KCNH8: variants seen among roughly 807,000 people sequenced by gnomAD.
KCNH8 encodes potassium voltage-gated channel subfamily H member 8, also known as voltage-gated delayed rectifier potassium channel KCNH8.
In KCNH8, 70 loss-of-function variants were observed where a neutral mutation model predicts 103.6. The observed-to-expected ratio is 0.68, with a 90% CI of 0.56 to 0.82. The LOEUF (loss-of-function observed/expected upper bound fraction) is 0.82. KCNH8 is among the 40% of genes least tolerant of loss of function. The pLI is 0.00. For synonymous variants in KCNH8, 498 were observed against 489.4 expected (o/e 1.02, Z -0.23); for missense variants, 1,217 against 1,329.9 (o/e 0.92, Z 1.32).
intron 3 of KCNH8, among the ~76,000 whole-genome samples, chr3:19,318,664 C>T (rs202101580): frequency 0.088 from 2,135 of 24,294 alleles, 20 homozygotes; most frequent in African/African-American, 0.13. Flanking sequence ...TGTGTGTGTA[C>T]ACACACACAC....
intron 4 of KCNH8, among the ~76,000 whole-genome samples, chr3:19,345,803 T>C (rs1296730390): frequency 1.3e-5 from 2 of 152,106 alleles, no homozygotes; most frequent in Non-Finnish European, 2.9e-5. Context: ...CTCAAATGTA[T>C]TGAATTCTCA....
chr3:19,450,912 G>C, intron 9 of KCNH8: 1 of 486,070 alleles, frequency 2.1e-6, no homozygotes, highest in South Asian at 2.4e-5. Flanking sequence ...ATGTTTTCCT[G>C]CTAGAGGCTT....
At chr3:19,329,762 C>T (rs149181437) in intron 3 of KCNH8, among the ~76,000 whole-genome samples, 13 of 152,110 alleles carry the variant, frequency 8.5e-5, no homozygotes, top group East Asian at 3.9e-4. Flanking sequence ...AAAGAAATTC[C>T]GATTTGAAAT....
chr3:19,378,746 T>C (rs1030151621), intron 5 of KCNH8, among the ~76,000 whole-genome samples: 1 of 152,228 alleles, frequency 6.6e-6, no homozygotes, highest in Non-Finnish European at 1.5e-5. Flanking sequence ...GTTATGATGA[T>C]ATACTTTATG....
intron 11 of KCNH8, among the ~76,000 whole-genome samples, chr3:19,491,889 C>G (rs1281372016): frequency 6.6e-6 from 1 of 152,148 alleles, no homozygotes; most frequent in Admixed American, 6.5e-5. Flanking sequence ...AATGGTATCT[C>G]ATTGTGATTT....
chr3:19,251,947 T>G (rs574953009), intron 1 of KCNH8, among the ~76,000 whole-genome samples: 22 of 152,338 alleles, frequency 1.4e-4, no homozygotes, highest in African/African-American at 5.0e-4. Flanking sequence ...ATACTGAATC[T>G]TGCTTTTTAA....
chr3:19,476,469 C>T (rs534136470), intron 11 of KCNH8, among the ~76,000 whole-genome samples: 9 of 152,076 alleles, frequency 5.9e-5, no homozygotes, highest in South Asian at 2.1e-4. Context: ...CTTATGAAAC[C>T]GTCTATTGTG....
At chr3:19,282,109 T>C (rs1188116279) in intron 3 of KCNH8, among the ~76,000 whole-genome samples, 1 of 152,144 alleles carries the variant, frequency 6.6e-6, no homozygotes, top group Non-Finnish European at 1.5e-5. Flanking sequence ...AACAGCTATG[T>C]CTTTTTAGGA....
chr3:19,397,541 ATATATATATGTGTG>A (rs963507823), intron 7 of KCNH8, among the ~76,000 whole-genome samples: 14 of 150,254 alleles, frequency 9.3e-5, no homozygotes, highest in Non-Finnish European at 1.9e-4. Flanking sequence ...ATACACACAT[ATATATATATGTGTG>A]TATATATACA....
At chr3:19,153,643 T>C (rs1189278959) in intron 1 of KCNH8, among the ~76,000 whole-genome samples, 4 of 149,374 alleles carry the variant, frequency 2.7e-5, no homozygotes, top group African/African-American at 7.4e-5. Context: ...TTCTTTTTTT[T>C]TTTTTTTTTA....
At chr3:19,387,172 C>T (rs2066368771) in intron 5 of KCNH8, among the ~76,000 whole-genome samples, 1 of 152,130 alleles carries the variant, frequency 6.6e-6, no homozygotes, top group African/African-American at 2.4e-5. Flanking sequence ...CAGTTCATCT[C>T]ACCACATTTA....
intron 3 of KCNH8, among the ~76,000 whole-genome samples, chr3:19,327,627 C>T (rs530514437): frequency 4.7e-4 from 71 of 152,280 alleles, no homozygotes; most frequent in Non-Finnish European, 7.4e-5. Context: ...CCTTTTATTA[C>T]ACTTTCCACC....
intron 11 of KCNH8, 46 bp from the exon 12 acceptor site, chr3:19,510,317 C>T (rs1378463109): frequency 1.6e-6 from 2 of 1,221,052 alleles, no homozygotes; most frequent in South Asian, 1.2e-5. Context: ...CAGTCCCAAA[C>T]CACCAGGATA....
intron 5 of KCNH8, among the ~76,000 whole-genome samples, chr3:19,384,154 T>C (rs186191583): frequency 1.6e-3 from 241 of 152,254 alleles, no homozygotes; most frequent in African/African-American, 5.1e-3. Flanking sequence ...AGACAATAAG[T>C]GGGGAATATT....
intron 10 of KCNH8, among the ~76,000 whole-genome samples, chr3:19,452,793 CT>C (rs1438266758): frequency 6.6e-6 from 1 of 152,130 alleles, no homozygotes; most frequent in Non-Finnish European, 1.5e-5. Context: ...GGTATTTTCT[CT>C]GATTTTTCTA....
intron 6 of KCNH8, 99 bp from the exon 7 acceptor site, chr3:19,395,005 T>C (rs2066493203): frequency 1.2e-6 from 1 of 826,208 alleles, no homozygotes; most frequent in Admixed American, 1.8e-5. Context: ...TGAAAATAAT[T>C]ATACTTCATT....
chr3:19,153,238 T>G (rs552295640), intron 1 of KCNH8, among the ~76,000 whole-genome samples: 2 of 152,374 alleles, frequency 1.3e-5, no homozygotes, highest in Non-Finnish European at 2.9e-5. Context: ...GATTTTCTTT[T>G]GATTAGTGAT....
At chr3:19,436,359 A>C (rs570525850) in intron 7 of KCNH8, among the ~76,000 whole-genome samples, 1 of 152,294 alleles carries the variant, frequency 6.6e-6, no homozygotes, top group Non-Finnish European at 1.5e-5. Context: ...CTCCAGCATA[A>C]AAAAATGATT....
intron 11 of KCNH8, among the ~76,000 whole-genome samples, chr3:19,501,908 G>A (rs1269592070): frequency 1.3e-5 from 2 of 152,176 alleles, no homozygotes; most frequent in Non-Finnish European, 2.9e-5. Context: ...TCAATATAGT[G>A]TTGGAAGTTC....
Sources: gnomAD v4.1 joint callset for allele counts (sites outside exome capture counted in the v4.1 genomes callset) on GRCh38, gnomAD v4.1.1 for gene constraint, MANE v1.5 for transcripts, NCBI Gene and HGNC (gene_info 2026-07-23, HGNC 2026-07-21) for gene names.